ZNF682: variants seen among roughly 807,000 people sequenced by gnomAD.
ZNF682 encodes the protein zinc finger protein 682.
ZNF682 carries 29 observed loss-of-function variants against 36.5 expected under a neutral mutation model. The ratio of observed to expected loss-of-function variants is 0.80; its 90% CI spans 0.59 to 1.08. The LOEUF (loss-of-function observed/expected upper bound fraction) is 1.08, where lower values mean the gene tolerates loss of function less well. Ranked by LOEUF, ZNF682 falls within the 50% of genes least tolerant of loss-of-function variation. The probability of loss-of-function intolerance (pLI) is 0.00; values close to 1 mark genes in which losing one functional copy is unlikely to be tolerated. For synonymous variants in ZNF682, 180 were observed against 197.0 expected (o/e 0.91, Z 0.72); for missense variants, 561 against 579.7 (o/e 0.97, Z 0.33).
In ZNF682 at chr19:20,006,144, T is replaced by C. The variant is rs1394964835; in HGVS notation, c.1358A>G (p.Tyr453Cys). The change falls in exon 4 of 4, where the codon TAT becomes TGT. Residue 453 changes from tyrosine to cysteine, a missense_variant. Coordinates refer to ENST00000397165, the MANE Select transcript of ZNF682 (RefSeq NM_033196.3). ...HKKIHTAVKR[Y>C]KCEECGKAFK... is the part of the protein sequence containing the mutation. ...AGCTTTGCCACATTCTTCACATTTA[T>C]AGCGTTTGACGGCAGTATGAATTTT... 4 of 1,613,186 alleles carry C rather than the reference T, an allele frequency of 2.5e-6. No individual in the cohort carries two copies. The highest frequency in any genetic ancestry group is 3.3e-5 in the Admixed American group (2 of 60,024).
intron 1 of ZNF682, among the ~76,000 whole-genome samples, chr19:20,038,470 T>A (rs1297770419): frequency 6.6e-6 from 1 of 151,970 alleles, no homozygotes; most frequent in Non-Finnish European, 1.5e-5. Flanking sequence ...CAAGTCAGAG[T>A]TAGGCTGGGG....
In ZNF682 at chr19:20,030,115, T is replaced by C. The variant is rs560955161; in HGVS notation, c.4-5739A>G. ...TTTTCTAAGCCTGCCCAAGAGAAAC[T>C]TGACTCCCCAGGTTTGTGTGATTTT... is the stretch of plus-strand genomic sequence containing the variant. On this transcript the variant is annotated intron_variant, in intron 1 of 3. Coordinates refer to ENST00000397165, the MANE Select transcript of ZNF682 (RefSeq NM_033196.3). Among the ~76,000 whole-genome samples the C allele has an allele frequency of 3.0e-4, 45 of 152,314 alleles. 1 individual carries two copies. The highest frequency in any genetic ancestry group is 8.9e-4 in the African/African-American group (37 of 41,566).
At chr19:20,002,016 T>C (rs1386623877), downstream of ZNF682, among the ~76,000 whole-genome samples, 1 of 152,180 alleles carries the variant, frequency 6.6e-6, no homozygotes, top group Non-Finnish European at 1.5e-5. Flanking sequence ...TAGGCCACTT[T>C]CCTTATGTTG....
chr19:19,995,528 AG>A (rs748710755), downstream of ZNF682, among the ~76,000 whole-genome samples: 2 of 152,232 alleles, frequency 1.3e-5, no homozygotes, highest in Non-Finnish European at 2.9e-5. Flanking sequence ...ATGAATGTAT[AG>A]GAATAGATTG....
At chr19:20,029,600 CAA>C (rs59197434) in intron 1 of ZNF682, among the ~76,000 whole-genome samples, 88,037 of 119,584 alleles carry the variant, frequency 0.74, 31,156 homozygotes, top group Middle Eastern at 0.85. Flanking sequence ...GACCCTGTCT[CAA>C]AAAAAAAAAA....
downstream of ZNF682, among the ~76,000 whole-genome samples, chr19:20,003,290 T>G (rs1026630502): frequency 2.6e-5 from 4 of 151,530 alleles, no homozygotes; most frequent in African/African-American, 9.7e-5. Context: ...AAATAAAATG[T>G]TACAACATAT....
chr19:19,999,544 T>C (rs148819978), downstream of ZNF682, among the ~76,000 whole-genome samples: 62 of 152,248 alleles, frequency 4.1e-4, no homozygotes, highest in African/African-American at 1.4e-3. Context: ...TCTTTCTTTT[T>C]TTTTTTTCTT....
At chr19:20,026,678 C>A (rs1159455907) in intron 1 of ZNF682, among the ~76,000 whole-genome samples, 2 of 152,106 alleles carry the variant, frequency 1.3e-5, no homozygotes, top group African/African-American at 4.8e-5. Flanking sequence ...GTGGCTCTGG[C>A]TGGTCTCAAA....
intron 3 of ZNF682, among the ~76,000 whole-genome samples, chr19:20,012,992 T>C (rs12982378): frequency 0.43 from 64,808 of 151,684 alleles, 16,740 homozygotes; most frequent in Non-Finnish European, 0.58. Context: ...AAATTCATGG[T>C]TCATGGAATA....
At chr19:20,013,579 CT>C (rs539062111) in intron 3 of ZNF682, among the ~76,000 whole-genome samples, 97 of 147,428 alleles carry the variant, frequency 6.6e-4, no homozygotes, top group Non-Finnish European at 6.5e-4. Context: ...TCTTAGCAAA[CT>C]TTTTTTTTTT....
chr19:20,037,284 C>T (rs982287364), intron 1 of ZNF682, among the ~76,000 whole-genome samples: 9 of 152,012 alleles, frequency 5.9e-5, no homozygotes, highest in African/African-American at 2.2e-4. Flanking sequence ...TGCAGGGTTA[C>T]GGAAGGACTG....
chr19:20,003,307 T>A (rs1970571169), downstream of ZNF682, among the ~76,000 whole-genome samples: 1 of 151,824 alleles, frequency 6.6e-6, no homozygotes, highest in African/African-American at 2.4e-5. Flanking sequence ...ATATTTACTA[T>A]GAAATTACAT....
At chr19:20,002,239 C>G (rs575003663), downstream of ZNF682, among the ~76,000 whole-genome samples, 1 of 134,514 alleles carries the variant, frequency 7.4e-6, no homozygotes, top group East Asian at 2.2e-4. Flanking sequence ...TGTGCCACCA[C>G]CCCTGGCTAA....
intron 3 of ZNF682, among the ~76,000 whole-genome samples, chr19:19,998,120 A>C (rs2088139259): frequency 6.6e-6 from 1 of 152,210 alleles, no homozygotes; most frequent in Non-Finnish European, 1.5e-5. Context: ...TCATACCTGC[A>C]CCGTACCCTG....
chr19:20,020,095 A>G, intron 3 of ZNF682, among the ~76,000 whole-genome samples: 1 of 152,162 alleles, frequency 6.6e-6, no homozygotes, highest in Non-Finnish European at 1.5e-5. Flanking sequence ...AACATTTTTA[A>G]AAAGAGATAA....
At chr19:20,030,585 GAA>G (rs1308807636) in intron 1 of ZNF682, 3 of 152,024 alleles carry the variant, frequency 2.0e-5, no homozygotes, top group East Asian at 3.9e-4. Context: ...AAATAGAAAA[GAA>G]AAAATAACTA....
At chr19:20,009,505 CAG>C (rs1401920836) in intron 3 of ZNF682, among the ~76,000 whole-genome samples, 1 of 152,096 alleles carries the variant, frequency 6.6e-6, no homozygotes, top group African/African-American at 2.4e-5. Context: ...GAGGTTGACA[CAG>C]AGATACAAGA....
chr19:20,027,477 G>T (rs2088441312), intron 1 of ZNF682, among the ~76,000 whole-genome samples: 1 of 152,190 alleles, frequency 6.6e-6, no homozygotes, highest in African/African-American at 2.4e-5. Flanking sequence ...CAAAGCCTGG[G>T]GGCTAGGCGC....
downstream of ZNF682, among the ~76,000 whole-genome samples, chr19:20,002,079 T>C (rs867046664): frequency 5.9e-5 from 9 of 152,018 alleles, no homozygotes; most frequent in African/African-American, 1.9e-4. Context: ...AGAGTTATTA[T>C]AGTTATTATT....
Sources: gnomAD v4.1 joint callset for allele counts (sites outside exome capture counted in the v4.1 genomes callset) on GRCh38, gnomAD v4.1.1 for gene constraint, MANE v1.5 for transcripts, NCBI Gene and HGNC (gene_info 2026-07-23, HGNC 2026-07-21) for gene names.